GRIP2: variants seen among roughly 807,000 people sequenced by gnomAD.
The protein encoded by GRIP2 is glutamate receptor interacting protein 2, also known as glutamate receptor-interacting protein 2.
GRIP2 carries 58 observed loss-of-function variants against 108.3 expected under a neutral mutation model. The ratio of observed to expected loss-of-function variants is 0.54; its 90% CI spans 0.43 to 0.67. The LOEUF (loss-of-function observed/expected upper bound fraction) is 0.67, where lower values mean the gene tolerates loss of function less well. GRIP2 is among the 30% of genes least tolerant of loss of function. The pLI, the probability that GRIP2 is intolerant of heterozygous loss-of-function variation, is 0.00. For missense variants in GRIP2, 1,278 were observed against 1,430.6 expected (o/e 0.89, Z 1.72); for synonymous variants, 586 against 598.2 (o/e 0.98, Z 0.30).
chr3:14,526,716 ATCTC>A (rs1473632953), intron 1 of GRIP2, among the ~76,000 whole-genome samples: 1 of 152,066 alleles, frequency 6.6e-6, no homozygotes, highest in African/African-American at 2.4e-5. Flanking sequence ...TGTCTTCTTT[ATCTC>A]TCTAAGATAC....
At position 14,505,179 on chromosome 3, in the gene GRIP2, T is replaced by C. The variant is rs1693883606; in HGVS notation, c.2573+436A>G. ...GGCCTGGGCCAGATGAGGAACAGCATTTCTCCACAGCCTGCTCTCTGCAGG... is the reference window on the plus strand; with the variant it reads ...GGCCTGGGCCAGATGAGGAACAGCACTTCTCCACAGCCTGCTCTCTGCAGG... On this transcript the variant is annotated intron_variant, in intron 20 of 23. Transcript: ENST00000621039. The surrounding 1 kb of genome is among the most constrained non-coding windows in gnomAD (Gnocchi z 4.2). Among the ~76,000 whole-genome samples, 1 of 152,154 alleles carries C rather than the reference T, an allele frequency of 6.6e-6. No individual in the cohort carries two copies. The highest frequency in any genetic ancestry group is 2.4e-5 in the African/African-American group (1 of 41,432).
intron 1 of GRIP2, among the ~76,000 whole-genome samples, chr3:14,529,034 G>T (rs1374593443): frequency 6.6e-6 from 1 of 152,034 alleles, no homozygotes. Flanking sequence ...ACTTTGGGAG[G>T]CCAAAGGGGG....
chr3:14,532,315 T>A lies in GRIP2; in HGVS notation c.41-6384A>T, dbSNP rs372341823. 8.9e-4 allele frequency among the ~76,000 whole-genome samples: 136 copies of A among 152,158 alleles called. 4 individuals are homozygous for A. The South Asian group carries it at 0.027, about 30-fold the overall frequency. ...GGGAGGGTCTGATTAGGGTTCAGCC[T>A]GGGTATGAGTGGCCTGAGTCAAGGT... On this transcript the variant is annotated intron_variant, in intron 1 of 23. Transcript: ENST00000621039.
At chr3:14,573,547 C>T in the GRIP2 span, 2 of 1,467,490 alleles carry the variant, frequency 1.4e-6, no homozygotes, top group African/African-American at 1.4e-5. Context: ...ATGGCCTCCT[C>T]ATGGAAATAG....
the GRIP2 span, among the ~76,000 whole-genome samples, chr3:14,597,053 T>G: frequency 1.3e-5 from 2 of 152,134 alleles, no homozygotes; most frequent in Non-Finnish European, 2.9e-5. Context: ...GCTGCATAGA[T>G]CTAAACGAAG....
chr3:14,530,454 GTCTTTT>G (rs1429898138), intron 1 of GRIP2, among the ~76,000 whole-genome samples: 1 of 152,126 alleles, frequency 6.6e-6, no homozygotes, highest in Non-Finnish European at 1.5e-5. Context: ...GAGAATTGAT[GTCTTTT>G]TCTTTGGGAG....
At chr3:14,499,470 C>T (rs1159967062) in intron 21 of GRIP2, among the ~76,000 whole-genome samples, 1 of 152,030 alleles carries the variant, frequency 6.6e-6, no homozygotes, top group Non-Finnish European at 1.5e-5. Flanking sequence ...AATCCCAGAA[C>T]TTTGGGAGGC....
chr3:14,550,349 G>T (rs1695127183), intron 1 of GRIP2, among the ~76,000 whole-genome samples: 1 of 152,224 alleles, frequency 6.6e-6, no homozygotes, highest in Non-Finnish European at 1.5e-5. Context: ...CCCTCCGGCT[G>T]GCTGGGGCCT....
the GRIP2 span, among the ~76,000 whole-genome samples, chr3:14,590,385 C>G: frequency 0.22 from 33,630 of 152,104 alleles, 4,340 homozygotes; most frequent in Middle Eastern, 0.31. Flanking sequence ...TGTCTTTGAA[C>G]CTTCTGAATG....
At chr3:14,542,378 C>T (rs753708737), upstream of GRIP2, among the ~76,000 whole-genome samples, 10 of 152,256 alleles carry the variant, frequency 6.6e-5, no homozygotes, top group Middle Eastern at 6.8e-3. Flanking sequence ...TGGTCTCAAA[C>T]TCCTGTATCT....
chr3:14,514,424 G>T lies in GRIP2; in HGVS notation c.1361C>A (p.Thr454Asn). The T allele has an allele frequency of 6.3e-7, 1 of 1,576,908 alleles. No individual in the cohort carries two copies. The highest frequency in any genetic ancestry group is 8.6e-7 in the Non-Finnish European group (1 of 1,162,854). Residue 454 changes from threonine to asparagine, a missense_variant, in exon 12 of 24, where the codon ACC (threonine) becomes AAC (asparagine). Physicochemically the swap from Thr to Asn is moderately conservative, Grantham distance 65. Transcript: ENST00000621039. ...GTCTCCACAGAGCACGACCTCCGTG[G>T]TCTCCGTGTGCACAATCTGCCCGCC... ...GPGGQIVHTE[T>N]TEVVLCGDPL...
intron 1 of GRIP2, among the ~76,000 whole-genome samples, chr3:14,539,781 A>C (rs1694917023): frequency 6.6e-6 from 1 of 152,086 alleles, no homozygotes; most frequent in South Asian, 2.1e-4. Flanking sequence ...CTCACCAGTC[A>C]GACCCCCAAA....
At chr3:14,539,948 A>G (rs1233108302) in intron 1 of GRIP2, among the ~76,000 whole-genome samples, 1 of 152,132 alleles carries the variant, frequency 6.6e-6, no homozygotes, top group Non-Finnish European at 1.5e-5. Flanking sequence ...AGATTGGGCA[A>G]AAGGCTTCGC....
Position 14,505,535 on chromosome 3 carries a change from C to T in GRIP2, c.2573+80G>A. On this transcript the variant is annotated intron_variant, in intron 20 of 23. Coordinates refer to ENST00000621039, the MANE Select transcript of GRIP2 (RefSeq NM_001080423.4). The surrounding 1 kb of genome is among the most constrained non-coding windows in gnomAD (Gnocchi z 4.2). The stretch of plus-strand genomic sequence containing the variant: ...CCGCCAAGACTCTCCATTCCCCCAC[C>T]ACTTTGGCACAGGCACCCTCGCCCA... 30 of 1,472,410 alleles carry T rather than the reference C, an allele frequency of 2.0e-5. No homozygotes were observed. The highest frequency in any genetic ancestry group is 2.8e-5 in the Non-Finnish European group (30 of 1,082,826). 91.2% of individuals were successfully genotyped at this position (1,472,410 alleles called of 1,614,324 possible).
chr3:14,517,762 G>T lies in GRIP2; in HGVS notation c.1156+10C>A. 1 of 1,610,388 alleles carries T rather than the reference G, an allele frequency of 6.2e-7. No homozygotes were observed. The highest frequency in any genetic ancestry group is 1.7e-5 in the Admixed American group (1 of 59,696). On this transcript the variant is annotated intron_variant, in intron 10 of 23. Transcript: ENST00000621039. ...AGACTGGCTGAGCTACAGCAGGGCA[G>T]GCACATTACATCGGCTTTGGTCCTG... is the stretch of plus-strand genomic sequence containing the variant.
At chr3:14,549,676 G>A (rs1695112900) in intron 1 of GRIP2, among the ~76,000 whole-genome samples, 1 of 152,270 alleles carries the variant, frequency 6.6e-6, no homozygotes, top group East Asian at 1.9e-4. Flanking sequence ...ATCCCGGCTG[G>A]CCCCCAGCTG....
At chr3:14,586,945 T>G in the GRIP2 span, among the ~76,000 whole-genome samples, 2 of 152,146 alleles carry the variant, frequency 1.3e-5, no homozygotes, top group Non-Finnish European at 2.9e-5. Context: ...GTGTGTGGTA[T>G]GACAGCAACA....
Position 14,524,397 on chromosome 3 carries a change from C to T in GRIP2, c.399G>A (p.Pro133=), listed in dbSNP as rs554512672. 40 of 1,609,716 alleles carry T rather than the reference C, an allele frequency of 2.5e-5. No individual in the cohort carries two copies. The highest frequency in any genetic ancestry group is 3.3e-5 in the South Asian group (3 of 89,756). The change falls in exon 4 of 24, where the codon CCG becomes CCA. Residue 133 remains proline (P), a synonymous_variant. Transcript: ENST00000621039. ...TCCCCGTCCAAGGGCACCCACCGGGCGGGGGCAGCTCATACTCCACCTCCA... is the reference window on the plus strand; with the variant it reads ...TCCCCGTCCAAGGGCACCCACCGGGTGGGGGCAGCTCATACTCCACCTCCA... ...VVLEVEYELP[P]PAPENNPRII... is the part of the protein sequence containing the mutation.
intron 1 of GRIP2, among the ~76,000 whole-genome samples, chr3:14,534,179 C>T (rs1575024570): frequency 6.6e-6 from 1 of 152,218 alleles, no homozygotes. Context: ...TGGGGGGGAA[C>T]TGAGGCAGCA....
Sources: allele counts gnomAD v4.1 joint callset (sites outside exome capture counted in the v4.1 genomes callset), GRCh38; gene constraint gnomAD v4.1.1; non-coding constraint Gnocchi (gnomAD v3.1); transcripts MANE v1.5; gene names NCBI Gene and HGNC (gene_info 2026-07-23, HGNC 2026-07-21).